The following HELLS variants were observed in gnomAD, a reference collection of about 807,000 sequenced individuals.
HELLS encodes the protein helicase, lymphoid specific, also known as lymphoid-specific helicase.
HELLS carries 32 observed loss-of-function variants against 120.0 expected under a neutral mutation model. The ratio of observed to expected loss-of-function variants is 0.27; its 90% CI spans 0.20 to 0.36. The LOEUF (loss-of-function observed/expected upper bound fraction) is 0.36, where lower values mean the gene tolerates loss of function less well. Ranked by LOEUF, HELLS falls within the 10% of genes least tolerant of loss-of-function variation. HELLS has a pLI of 1.00. For missense variants in HELLS, 650 were observed against 993.4 expected (o/e 0.65, Z 4.65); for synonymous variants, 341 against 323.4 (o/e 1.05, Z -0.58).
At chr10:94,605,789 C>CA (rs2134143829), downstream of HELLS, among the ~76,000 whole-genome samples, 1 of 151,946 alleles carries the variant, frequency 6.6e-6, no homozygotes, top group Admixed American at 6.6e-5. Context: ...GCACCAAATG[C>CA]CCTGCTAAAT....
intron 9 of HELLS, among the ~76,000 whole-genome samples, chr10:94,576,386 T>C (rs913438491): frequency 6.6e-6 from 1 of 152,122 alleles, no homozygotes; most frequent in Non-Finnish European, 1.5e-5. Flanking sequence ...TACTGGACTT[T>C]AGAGATCGGC....
At chr10:94,574,262 C>A in intron 8 of HELLS, 75 bp downstream of exon 8, 1 of 949,968 alleles carries the variant, frequency 1.1e-6, no homozygotes, top group Non-Finnish European at 1.7e-6. Context: ...GGTACCACAA[C>A]TTGAGTCATT....
At chr10:94,575,491 ATATT>A (rs1232876917) in intron 9 of HELLS, among the ~76,000 whole-genome samples, 2 of 150,688 alleles carry the variant, frequency 1.3e-5, no homozygotes, top group East Asian at 3.9e-4. Flanking sequence ...ATTTATATAT[ATATT>A]ATTTATTTAT....
intron 10 of HELLS, among the ~76,000 whole-genome samples, chr10:94,580,357 T>A (rs1844809600): frequency 6.6e-6 from 1 of 151,478 alleles, no homozygotes; most frequent in Non-Finnish European, 1.5e-5. Flanking sequence ...AATTTTTGTA[T>A]TTTTAGTAGA....
intron 19 of HELLS, 56 bp downstream of exon 19, chr10:94,594,910 A>G: frequency 7.4e-7 from 1 of 1,349,980 alleles, no homozygotes. Context: ...TGTGTTGTGG[A>G]TTTTGTTTTT....
chr10:94,584,261 A>G, intron 12 of HELLS: 1 of 394,004 alleles, frequency 2.5e-6, no homozygotes, highest in Non-Finnish European at 4.5e-6. Context: ...ATGGTTTATA[A>G]TAACTATATG....
intron 6 of HELLS, 31 bp from the exon 7 acceptor site, chr10:94,571,357 T>C (rs1844150630): frequency 2.1e-6 from 3 of 1,412,690 alleles, no homozygotes; most frequent in Non-Finnish European, 3.0e-6. Flanking sequence ...TCATACATTA[T>C]TAATTTGTTT....
At chr10:94,547,069 C>G (rs1842782737) in intron 2 of HELLS, among the ~76,000 whole-genome samples, 1 of 152,114 alleles carries the variant, frequency 6.6e-6, no homozygotes, top group African/African-American at 2.4e-5. Context: ...ATGTGCCGTA[C>G]TTTTTCAATG....
At chr10:94,563,627 C>T (rs1843657629) in intron 6 of HELLS, among the ~76,000 whole-genome samples, 1 of 151,990 alleles carries the variant, frequency 6.6e-6, no homozygotes, top group Non-Finnish European at 1.5e-5. Flanking sequence ...GCTGGGACTA[C>T]AGGTGTGTGA....
At chr10:94,547,986 T>C (rs540248999) in intron 2 of HELLS, among the ~76,000 whole-genome samples, 57 of 152,344 alleles carry the variant, frequency 3.7e-4, no homozygotes, top group Non-Finnish European at 7.1e-4. Flanking sequence ...ATTAACAGAA[T>C]TGAGAGGTCT....
intron 9 of HELLS, among the ~76,000 whole-genome samples, chr10:94,576,354 G>A (rs1172017830): frequency 2.0e-5 from 3 of 152,136 alleles, no homozygotes; most frequent in Non-Finnish European, 2.9e-5. Context: ...ATTTCTCCAT[G>A]TTGCTCAGGT....
intron 12 of HELLS, among the ~76,000 whole-genome samples, chr10:94,585,789 A>C (rs1845113366): frequency 6.6e-6 from 1 of 151,200 alleles, no homozygotes; most frequent in Non-Finnish European, 1.5e-5. Context: ...GCAGCCTCCA[A>C]CTCATACTCC....
chr10:94,586,607 A>G (rs1390365131), intron 12 of HELLS, among the ~76,000 whole-genome samples: 1 of 152,186 alleles, frequency 6.6e-6, no homozygotes, highest in Non-Finnish European at 1.5e-5. Context: ...GAGCTTTATT[A>G]TATATGATTA....
intron 7 of HELLS, among the ~76,000 whole-genome samples, chr10:94,571,727 A>T (rs1306287675): frequency 1.3e-5 from 2 of 152,224 alleles, no homozygotes; most frequent in African/African-American, 4.8e-5. Flanking sequence ...AACCATGTGG[A>T]TATAAACCGT....
At chr10:94,589,677 C>G (rs558513210) in intron 13 of HELLS, among the ~76,000 whole-genome samples, 1 of 144,168 alleles carries the variant, frequency 6.9e-6, no homozygotes, top group African/African-American at 2.6e-5. Flanking sequence ...CTTCTCCCCC[C>G]GACTTTTTTT....
intron 12 of HELLS, among the ~76,000 whole-genome samples, chr10:94,585,993 C>T (rs887998370): frequency 1.3e-5 from 2 of 151,404 alleles, no homozygotes; most frequent in African/African-American, 4.8e-5. Flanking sequence ...TAGTGTGCCT[C>T]TTCTTCCACA....
chr10:94,554,743 T>C (rs1028826398), intron 3 of HELLS, among the ~76,000 whole-genome samples: 2 of 151,468 alleles, frequency 1.3e-5, no homozygotes, highest in Non-Finnish European at 2.9e-5. Context: ...AAACCTGGAT[T>C]AGAGGGTTGG....
At chr10:94,596,354 C>T (rs1307952732) in intron 19 of HELLS, among the ~76,000 whole-genome samples, 3 of 152,166 alleles carry the variant, frequency 2.0e-5, no homozygotes, top group Non-Finnish European at 2.9e-5. Context: ...CCAGTAATTC[C>T]TATGCTCCCC....
intron 21 of HELLS, among the ~76,000 whole-genome samples, chr10:94,600,494 GA>G (rs1845983057): frequency 6.6e-6 from 1 of 152,098 alleles, no homozygotes; most frequent in Admixed American, 6.6e-5. Context: ...ATATTGGCTA[GA>G]AGTACAATAT....
Sources: allele counts gnomAD v4.1 joint callset (sites outside exome capture counted in the v4.1 genomes callset), GRCh38; gene constraint gnomAD v4.1.1; transcripts MANE v1.5; gene names NCBI Gene and HGNC (gene_info 2026-07-23, HGNC 2026-07-21).